Variants in NOP9 observed in about 807,000 individuals in gnomAD.
NOP9 encodes nucleolar protein 9.
NOP9 carries 50 observed loss-of-function variants against 63.0 expected under a neutral mutation model. That is an observed-to-expected ratio of 0.79 (90% CI 0.63 to 1.00). NOP9 has a LOEUF of 1.00. Ranked by LOEUF, NOP9 falls within the 50% of genes least tolerant of loss-of-function variation. NOP9 has a pLI of 0.00. For synonymous variants in NOP9, 343 were observed against 332.8 expected (o/e 1.03, Z -0.33); for missense variants, 758 against 803.0 (o/e 0.94, Z 0.68).
rs762297365 is a variant in NOP9, at chr14:24,300,043, G to C, written c.89G>C (p.Arg30Pro). ...KRGRGAKGSG[R>P]PLPGRKRQPW... Reference sequence around the variant, plus strand: ...GGGCGCGGGGCCAAGGGGTCGGGGCGCCCCTTACCAGGCCGTAAGCGGCAA... The same window carrying C: ...GGGCGCGGGGCCAAGGGGTCGGGGCCCCCCTTACCAGGCCGTAAGCGGCAA... The change falls in exon 1 of 10, where the codon CGC becomes CCC. Residue 30 changes from arginine (R) to proline (P), a missense_variant. Coordinates refer to ENST00000267425, the MANE Select transcript of NOP9 (RefSeq NM_174913.3). The C allele has an allele frequency of 5.0e-6, 8 of 1,609,850 alleles. No individual in the cohort carries two copies. The East Asian group carries it at 1.8e-4, about 36-fold the overall frequency.
At chr14:24,274,331 C>T in the NOP9 span, among the ~76,000 whole-genome samples, 1 of 152,180 alleles carries the variant, frequency 6.6e-6, no homozygotes, top group East Asian at 1.9e-4. Flanking sequence ...AAGTGAGTCT[C>T]ATGAAAAAAT....
In NOP9 at chr14:24,300,887, G is replaced by A. The variant is rs1191752616; in HGVS notation, c.697+30G>A. 8 of 1,544,998 alleles carry A rather than the reference G, an allele frequency of 5.2e-6. No individual in the cohort carries two copies. In the Middle Eastern group the frequency reaches 6.9e-4, roughly 133 times the overall value. Reference sequence around the variant, plus strand: ...GTATTACAAGAGGAAAGTGGACCTAGGGGGAAGAAGAATTTAGAAAGTTCA... The same window carrying A: ...GTATTACAAGAGGAAAGTGGACCTAAGGGGAAGAAGAATTTAGAAAGTTCA... On this transcript the variant is annotated intron_variant, in intron 2 of 9. Coordinates refer to ENST00000267425, the MANE Select transcript of NOP9 (RefSeq NM_174913.3).
chr14:24,298,029 G>C (rs2041288635), upstream of NOP9, among the ~76,000 whole-genome samples: 2 of 152,166 alleles, frequency 1.3e-5, no homozygotes, highest in African/African-American at 4.8e-5. Flanking sequence ...CTTCCTGTTG[G>C]AATCTATCTT....
At chr14:24,297,692 A>G (rs1469842995), upstream of NOP9, among the ~76,000 whole-genome samples, 2 of 152,138 alleles carry the variant, frequency 1.3e-5, no homozygotes, top group African/African-American at 2.4e-5. Flanking sequence ...GGGTCTTCCA[A>G]GACCCACTCT....
the NOP9 span, among the ~76,000 whole-genome samples, chr14:24,276,081 T>C: frequency 1.3e-5 from 2 of 152,296 alleles, no homozygotes; most frequent in Admixed American, 6.5e-5. Flanking sequence ...CTTAAAAATT[T>C]TTTTTTGGCC....
rs1698641432 is a variant in NOP9 at position 24,307,323 on chromosome 14, C to G, written c.*2228C>G. On this transcript the variant is annotated 3_prime_UTR_variant, in exon 10 of 10. Coordinates refer to ENST00000267425, the MANE Select transcript of NOP9 (RefSeq NM_174913.3). ...ATCACAAGTTGCCACTGTTGTGGAG[C>G]CCCTTGGCTACCCCTGCTATAGGAA... is the stretch of plus-strand genomic sequence containing the variant. 1 of 1,571,350 alleles carries G rather than the reference C, an allele frequency of 6.4e-7. No homozygotes were observed. Among genetic ancestry groups the G allele is most frequent in the Admixed American group, 1.8e-5 (1 of 56,546 alleles).
At position 24,304,609 on chromosome 14, in the gene NOP9, G is replaced by A. The variant is rs762353749; in HGVS notation, c.1753+11G>A. On this transcript the variant is annotated intron_variant, in intron 9 of 9. Transcript: ENST00000267425. ...TTGCTGCTGAGCTTGGTGAGTACCA[G>A]CCCCTCTCTTTGATGTTTCCAGACT... 3.8e-6 allele frequency: 6 copies of A among 1,579,324 alleles called. No homozygotes were observed. Among genetic ancestry groups the A allele is most frequent in the Non-Finnish European group, 5.2e-6 (6 of 1,160,874 alleles).
At chr14:24,279,106 A>G in the NOP9 span, among the ~76,000 whole-genome samples, 9 of 152,214 alleles carry the variant, frequency 5.9e-5, no homozygotes, top group African/African-American at 1.7e-4. Context: ...ATGGGCCTCA[A>G]TGAGAGGTGG....
At chr14:24,290,762 A>G in the NOP9 span, 1,521 of 1,486,616 alleles carry the variant, frequency 1.0e-3, 13 homozygotes, top group African/African-American at 0.017. Context: ...TATCAAGGGT[A>G]TGGGTAAACA....
the NOP9 span, among the ~76,000 whole-genome samples, chr14:24,284,156 C>CA: frequency 6.6e-5 from 10 of 152,204 alleles, no homozygotes; most frequent in Admixed American, 5.2e-4. Context: ...TGTCACCCCC[C>CA]AGGAAGGTGA....
chr14:24,304,739 C>G lies in NOP9; in HGVS notation c.1753+141C>G, dbSNP rs1053836919. ...TTGCTCATGGGTTCTTAGCAGTCTG[C>G]TTTCCCCTTCCCTCCCGCTGACTGA... is the stretch of plus-strand genomic sequence containing the variant. On this transcript the variant is annotated intron_variant, in intron 9 of 9. Coordinates refer to ENST00000267425, the MANE Select transcript of NOP9 (RefSeq NM_174913.3). The G allele has an allele frequency of 4.5e-6, 4 of 897,512 alleles. No homozygotes were observed. The African/African-American group carries it at 6.7e-5, about 15-fold the overall frequency. The allele number at this position is 897,512 out of a possible 1,614,324, so 55.6% of individuals were successfully genotyped here. A position where few individuals can be genotyped will look rare whatever the true frequency, so the allele number is the denominator to read the frequency against.
the NOP9 span, chr14:24,271,282 T>A: frequency 1.2e-6 from 1 of 859,822 alleles, no homozygotes; most frequent in Non-Finnish European, 1.7e-6. Flanking sequence ...AAAGAGGTCC[T>A]GGGACAGGCT....
Position 24,300,217 on chromosome 14 carries a change from G to T in NOP9, c.247+16G>T. The T allele has an allele frequency of 6.2e-7, 1 of 1,612,900 alleles. No homozygotes were observed. Among genetic ancestry groups the T allele is most frequent in the Non-Finnish European group, 8.5e-7 (1 of 1,179,090 alleles). ...GAAGAACGAGGTAGGCAGCAACTTC[G>T]GGGTTTAGACCAAGAGCATCAAATC... is the stretch of plus-strand genomic sequence containing the variant. On this transcript the variant is annotated intron_variant, in intron 1 of 9. Coordinates refer to ENST00000267425, the MANE Select transcript of NOP9 (RefSeq NM_174913.3).
chr14:24,274,519 C>G, the NOP9 span, among the ~76,000 whole-genome samples: 1 of 152,112 alleles, frequency 6.6e-6, no homozygotes, highest in Non-Finnish European at 1.5e-5. Flanking sequence ...GATAATAAGC[C>G]TCTTGCTTGA....
At chr14:24,276,237 C>T in the NOP9 span, among the ~76,000 whole-genome samples, 92 of 151,404 alleles carry the variant, frequency 6.1e-4, 4 homozygotes, top group South Asian at 0.017. Context: ...ATTAGCTGGG[C>T]GTGGTGGTAC....
At chr14:24,295,525 C>T (rs1251433267), upstream of NOP9, among the ~76,000 whole-genome samples, 4 of 152,152 alleles carry the variant, frequency 2.6e-5, no homozygotes, top group Non-Finnish European at 5.9e-5. Context: ...ATCAAGGGGC[C>T]TTTACCTTGG....
upstream of NOP9, chr14:24,298,932 C>T (rs201377735): frequency 2.1e-4 from 333 of 1,587,398 alleles, no homozygotes; most frequent in Admixed American, 4.2e-4. Flanking sequence ...GTTTCTGCAA[C>T]TGTGGTCCCA....
At chr14:24,279,335 C>T in the NOP9 span, among the ~76,000 whole-genome samples, 9 of 152,244 alleles carry the variant, frequency 5.9e-5, no homozygotes, top group Admixed American at 1.3e-4. Flanking sequence ...CATTCTTTCT[C>T]TTCTCCCTGC....
At chr14:24,296,152 T>G (rs2041243884), upstream of NOP9, among the ~76,000 whole-genome samples, 1 of 152,180 alleles carries the variant, frequency 6.6e-6, no homozygotes, top group Non-Finnish European at 1.5e-5. Flanking sequence ...TCTCCCAGTC[T>G]AAAATAAAAC....
Sources: gnomAD v4.1 joint callset for allele counts (sites outside exome capture counted in the v4.1 genomes callset) on GRCh38, gnomAD v4.1.1 for gene constraint, MANE v1.5 for transcripts, NCBI Gene and HGNC (gene_info 2026-07-23, HGNC 2026-07-21) for gene names.